Variants in SPDEF observed in about 807,000 individuals in gnomAD.
SPDEF encodes SAM pointed domain containing ETS transcription factor.
Under a neutral mutation model 36.0 loss-of-function variants are expected in SPDEF, and 12 were observed. That is an observed-to-expected ratio of 0.33 (90% CI 0.21 to 0.54). The LOEUF (loss-of-function observed/expected upper bound fraction) is 0.54. Among genes scored for constraint, SPDEF ranks in the 20% least tolerant of loss-of-function variants. SPDEF has a pLI of 0.93. For synonymous variants in SPDEF, 205 were observed against 193.0 expected, an observed-to-expected ratio of 1.06 and a Z score of -0.51; for missense variants, 388 against 456.9, an observed-to-expected ratio of 0.85 and a Z score of 1.37.
chr6:34,555,440 C>T lies in SPDEF; in HGVS notation c.-30+489G>A, dbSNP rs1287734897. 1.3e-5 allele frequency among the ~76,000 whole-genome samples: 2 copies of T among 152,146 alleles called. No homozygotes were observed. Among genetic ancestry groups the T allele is most frequent in the Admixed American group, 6.5e-5 (1 of 15,278 alleles). On this transcript the variant is annotated intron_variant, in intron 1 of 5. Coordinates refer to ENST00000374037, the MANE Select transcript of SPDEF (RefSeq NM_012391.3). This position sits in a 1 kb window ranked among gnomAD's most constrained non-coding sequence, Gnocchi z 5.2. ...GGCTCTGGACCTGTCTCCCCTGTCC[C>T]GAACTGGACCCGGCCTTAGACTTAG...
Position 34,555,230 on chromosome 6 carries a change from G to A in SPDEF, c.-30+699C>T, listed in dbSNP as rs1245440209. On this transcript the variant is annotated intron_variant, in intron 1 of 5. Coordinates refer to ENST00000374037, the MANE Select transcript of SPDEF (RefSeq NM_012391.3). This position sits in a 1 kb window ranked among gnomAD's most constrained non-coding sequence, Gnocchi z 5.2. ...CCACCACCCACTTCCTCTCTCCACC[G>A]CAGAAATCTGGCAAATCTTAGAAAT... Among the ~76,000 whole-genome samples, 1 of 151,870 alleles carries A rather than the reference G, an allele frequency of 6.6e-6. No individual in the cohort carries two copies. The highest frequency in any genetic ancestry group is 1.5e-5 in the Non-Finnish European group (1 of 67,982).
chr6:34,554,254 T>C (rs1768122373), intron 1 of SPDEF, among the ~76,000 whole-genome samples: 3 of 152,176 alleles, frequency 2.0e-5, no homozygotes, highest in African/African-American at 7.2e-5. Flanking sequence ...TCAGGGCTAT[T>C]CACTTTATAC....
At chr6:34,546,587 C>T (rs1353656329) in intron 1 of SPDEF, among the ~76,000 whole-genome samples, 2 of 152,186 alleles carry the variant, frequency 1.3e-5, no homozygotes, top group Non-Finnish European at 2.9e-5. Context: ...CATAGCTTGA[C>T]GAATGGAGCC....
intron 1 of SPDEF, among the ~76,000 whole-genome samples, chr6:34,553,754 C>T (rs562564702): frequency 6.6e-4 from 100 of 151,726 alleles, no homozygotes; most frequent in Admixed American, 1.2e-3. Context: ...AGGGAGTGGG[C>T]GAGAGAGTGG....
intron 1 of SPDEF, among the ~76,000 whole-genome samples, chr6:34,545,675 C>T (rs189683804): frequency 5.3e-5 from 8 of 152,144 alleles, no homozygotes; most frequent in Non-Finnish European, 7.4e-5. Flanking sequence ...TTTGGGAGGC[C>T]GAGGCGGGCA....
chr6:34,544,364 G>A lies in SPDEF; in HGVS notation c.92C>T (p.Ala31Val), dbSNP rs143867487. The A allele has an allele frequency of 2.2e-4, 350 of 1,601,988 alleles. No individual in the cohort carries two copies. Among genetic ancestry groups the A allele is most frequent in the Non-Finnish European group, 2.7e-4 (318 of 1,176,220 alleles). ...CTCGAGACCCACTGCCCCCGCTGCC[G>A]CCTTCTCCAAGCCTGTCCGCGACAC... ...DTVSRTGLEKAAAGAVGLERR... is the reference protein window; with the variant it reads ...DTVSRTGLEKVAAGAVGLERR... Residue 31 changes from alanine to valine, a missense_variant, in exon 2 of 6, where the codon GCG becomes GTG. Ala to Val is a moderately conservative substitution (Grantham distance 64). Around this residue, in one of 2 missense-constraint regions of SPDEF, gnomAD observed 308 missense variants for 326.1 expected, o/e 0.94. Coordinates refer to ENST00000374037, the MANE Select transcript of SPDEF (RefSeq NM_012391.3). This position sits in a 1 kb window ranked among gnomAD's most constrained non-coding sequence, Gnocchi z 4.4.
chr6:34,539,359 C>T lies in SPDEF; in HGVS notation c.720G>A (p.Val240=). ...TSEESWTDSE[V]DSSCSGQPIH... ...TGGGCTGCCCGGAGCATGATGAGTC[C>T]ACCTCGCTGTCGGTCCAGCTCTCCT... Residue 240 remains valine (V), a synonymous_variant, in exon 5 of 6, where the codon GTG becomes GTA. Transcript: ENST00000374037. This position sits in a 1 kb window ranked among gnomAD's most constrained non-coding sequence, Gnocchi z 5.2. 6.2e-7 allele frequency: 1 copy of T among 1,613,864 alleles called. No homozygotes were observed.
intron 2 of SPDEF, among the ~76,000 whole-genome samples, chr6:34,542,875 C>T (rs1406568785): frequency 6.6e-4 from 82 of 125,186 alleles, no homozygotes; most frequent in African/African-American, 2.5e-3. Context: ...AGTGATAGAG[C>T]GAGACCCTGT....
Position 34,539,462 on chromosome 6 carries a change from A to G in SPDEF, c.682+53T>C. The G allele has an allele frequency of 6.3e-7, 1 of 1,598,832 alleles. No homozygotes were observed. Among genetic ancestry groups the G allele is most frequent in the Non-Finnish European group, 8.5e-7 (1 of 1,174,218 alleles). Reference sequence around the variant, plus strand: ...GCCAGTCCCGGCTTCATTGGCAGCCACCCCTCCACCCCACCCGAGCCCCCG... The same window carrying G: ...GCCAGTCCCGGCTTCATTGGCAGCCGCCCCTCCACCCCACCCGAGCCCCCG... On this transcript the variant is annotated intron_variant, in intron 4 of 5. Coordinates refer to ENST00000374037, the MANE Select transcript of SPDEF (RefSeq NM_012391.3). The surrounding 1 kb of genome is among the most constrained non-coding windows in gnomAD (Gnocchi z 5.2).
chr6:34,540,023 G>A (rs1767784189), intron 3 of SPDEF, among the ~76,000 whole-genome samples: 1 of 152,194 alleles, frequency 6.6e-6, no homozygotes, highest in South Asian at 2.1e-4. Context: ...AGGGCAGGCC[G>A]GGCGTGGAGG....
chr6:34,552,966 C>T lies in SPDEF; in HGVS notation c.-30+2963G>A, dbSNP rs1768093538. Among the ~76,000 whole-genome samples, 1 of 152,162 alleles carries T rather than the reference C, an allele frequency of 6.6e-6. No individual in the cohort carries two copies. Among genetic ancestry groups the T allele is most frequent in the African/African-American group, 2.4e-5 (1 of 41,430 alleles). On this transcript the variant is annotated intron_variant, in intron 1 of 5. Coordinates refer to ENST00000374037, the MANE Select transcript of SPDEF (RefSeq NM_012391.3). The surrounding 1 kb of genome is among the most constrained non-coding windows in gnomAD (Gnocchi z 4.6). ...TACCCCAGGAGCAGAGAGGCCTGGG[C>T]CTTGCCCCGCAACCAGTCTCAGGCG... is the stretch of plus-strand genomic sequence containing the variant.
At chr6:34,541,236 G>T in intron 2 of SPDEF, 55 bp from the exon 3 acceptor site, 1 of 1,497,912 alleles carries the variant, frequency 6.7e-7, no homozygotes, top group Non-Finnish European at 9.0e-7. Context: ...CCACCCTGCT[G>T]TGATGGGGCA....
chr6:34,542,087 G>T (rs1394947615), intron 2 of SPDEF, among the ~76,000 whole-genome samples: 1 of 152,218 alleles, frequency 6.6e-6, no homozygotes, highest in Non-Finnish European at 1.5e-5. Context: ...TGGGGAGGAG[G>T]TCTGTGGGAG....
In SPDEF at chr6:34,538,899, C is replaced by G. The variant is rs140115958; in HGVS notation, c.829+351G>C. On this transcript the variant is annotated intron_variant, in intron 5 of 5. Coordinates refer to ENST00000374037, the MANE Select transcript of SPDEF (RefSeq NM_012391.3). The surrounding 1 kb of genome is among the most constrained non-coding windows in gnomAD (Gnocchi z 5.9). The stretch of plus-strand genomic sequence containing the variant: ...TACAGGTGTCTCTGTAGTTCCCAAG[C>G]CTGAAACAACCTCTTTGCTATTCTC... Among the ~76,000 whole-genome samples, 202 of 152,310 alleles carry G rather than the reference C, an allele frequency of 1.3e-3. 1 individual carries two copies. Among genetic ancestry groups the G allele is most frequent in the African/African-American group, 4.7e-3 (195 of 41,556 alleles).
At chr6:34,553,913 C>CGG (rs1768114920) in intron 1 of SPDEF, among the ~76,000 whole-genome samples, 1 of 151,190 alleles carries the variant, frequency 6.6e-6, no homozygotes, top group South Asian at 2.1e-4. Flanking sequence ...CACTTCCCCC[C>CGG]GGCCCCCGCA....
chr6:34,549,344 G>T (rs558297527), intron 1 of SPDEF, among the ~76,000 whole-genome samples: 2 of 152,156 alleles, frequency 1.3e-5, no homozygotes, highest in African/African-American at 4.8e-5. Flanking sequence ...TTCTCTCAGC[G>T]CCTTCCATTC....
rs999562244 is a variant in SPDEF, at chr6:34,552,383, G to T, written c.-30+3546C>A. On this transcript the variant is annotated intron_variant, in intron 1 of 5. Coordinates refer to ENST00000374037, the MANE Select transcript of SPDEF (RefSeq NM_012391.3). This position sits in a 1 kb window ranked among gnomAD's most constrained non-coding sequence, Gnocchi z 4.6. ...TGAGGCCCCTTGGCCGATCCTCTTG[G>T]CCTCAGCCTCTTCAGCAGTGAAACA... 1.3e-5 allele frequency among the ~76,000 whole-genome samples: 2 copies of T among 152,194 alleles called. No individual in the cohort carries two copies. The highest frequency in any genetic ancestry group is 4.8e-5 in the African/African-American group (2 of 41,456).
At chr6:34,545,188 T>C (rs1034139241) in intron 1 of SPDEF, among the ~76,000 whole-genome samples, 34 of 152,154 alleles carry the variant, frequency 2.2e-4, no homozygotes, top group African/African-American at 8.0e-4. Context: ...CACCTCCCCT[T>C]ACCCTCCCTC....
intron 3 of SPDEF, among the ~76,000 whole-genome samples, chr6:34,540,745 C>T (rs1047495908): frequency 2.0e-5 from 3 of 152,254 alleles, no homozygotes; most frequent in African/African-American, 7.2e-5. Context: ...TGACTTCTAC[C>T]TTTTAACCTC....
Sources: gnomAD v4.1 joint callset for allele counts (sites outside exome capture counted in the v4.1 genomes callset) on GRCh38, gnomAD v4.1.1 for gene constraint, gnomAD v4.1.1 regional missense constraint, Gnocchi (gnomAD v3.1) non-coding constraint, MANE v1.5 for transcripts, NCBI Gene and HGNC (gene_info 2026-07-23, HGNC 2026-07-21) for gene names.